PIGX: variants seen among roughly 807,000 people sequenced by gnomAD.
PIGX encodes phosphatidylinositol glycan anchor biosynthesis class X.
Under a neutral mutation model 28.7 loss-of-function variants are expected in PIGX, and 24 were observed. The observed-to-expected ratio is 0.84, with a 90% CI of 0.60 to 1.17. The LOEUF (loss-of-function observed/expected upper bound fraction) is 1.17, where lower values mean the gene tolerates loss of function less well. Ranked by LOEUF, PIGX falls within the 50% of genes most tolerant of loss-of-function variation. The pLI is 0.00. For missense variants in PIGX, 305 were observed against 317.8 expected (o/e 0.96, Z 0.31); for synonymous variants, 127 against 121.0 (o/e 1.05, Z -0.33).
intron 2 of PIGX, among the ~76,000 whole-genome samples, chr3:196,719,370 T>C (rs1428348444): frequency 6.6e-6 from 1 of 152,196 alleles, no homozygotes. Context: ...AGGGTACATG[T>C]GCACAATGTG....
chr3:196,718,617 TGCTAATAACTTGCTTA>T (rs528763635), intron 2 of PIGX, among the ~76,000 whole-genome samples: 349 of 152,358 alleles, frequency 2.3e-3, no homozygotes, highest in African/African-American at 8.2e-3. Flanking sequence ...GGATATGTTT[TGCTAATAACTTGCTTA>T]GTATTTTTAC....
At chr3:196,715,341 T>G (rs1331464903) in intron 1 of PIGX, among the ~76,000 whole-genome samples, 1 of 152,212 alleles carries the variant, frequency 6.6e-6, no homozygotes, top group Non-Finnish European at 1.5e-5. Context: ...CAGGCAAACC[T>G]TTCTTCTAAT....
intron 4 of PIGX, among the ~76,000 whole-genome samples, chr3:196,729,115 T>G (rs553782970): frequency 1.3e-5 from 2 of 151,828 alleles, no homozygotes; most frequent in Non-Finnish European, 2.9e-5. Context: ...GGGTGGATCA[T>G]GAGTTCAGGA....
At position 196,722,454 on chromosome 3, in the gene PIGX, G is replaced by A; in HGVS notation, c.216G>A (p.Glu72=). The A allele has an allele frequency of 6.2e-7, 1 of 1,611,982 alleles. No homozygotes were observed. The highest frequency in any genetic ancestry group is 8.5e-7 in the Non-Finnish European group (1 of 1,178,146). Reference sequence around the variant, plus strand: ...AAGTGAAGTTTGGGGAAAGCATTGAGGACTTGCACACCTGCCGTCTCTTAA... The same window carrying A: ...AAGTGAAGTTTGGGGAAAGCATTGAAGACTTGCACACCTGCCGTCTCTTAA... Residue 72 remains glutamate, a synonymous_variant, in exon 3 of 6, where the codon GAG becomes GAA. Transcript: ENST00000392391.
chr3:196,722,416 G>T lies in PIGX; in HGVS notation c.178G>T (p.Asp60Tyr), dbSNP rs1413850666. ...ACTTTCAATGTACTTGTCTTACAGA[G>T]ACCTTTTAATCAAAGTGAAGTTTGG... Residue 60 changes from aspartate (D) to tyrosine (Y), a missense_variant and splice_region_variant, in exon 3 of 6, where the codon GAC (aspartate) becomes TAC (tyrosine). By Grantham distance (160) the Asp-to-Tyr change is radical. Coordinates refer to ENST00000392391, the MANE Select transcript of PIGX (RefSeq NM_017861.4). 1.9e-6 allele frequency: 3 copies of T among 1,608,336 alleles called. No homozygotes were observed. Among genetic ancestry groups the T allele is most frequent in the Non-Finnish European group, 1.7e-6 (2 of 1,175,704 alleles).
intron 5 of PIGX, among the ~76,000 whole-genome samples, chr3:196,731,951 G>A (rs1284112434): frequency 2.0e-5 from 3 of 150,906 alleles, no homozygotes; most frequent in East Asian, 4.0e-4. Flanking sequence ...TCAGCCTCCC[G>A]AGTAGCTGGG....
intron 4 of PIGX, 69 bp downstream of exon 4, chr3:196,728,205 T>C: frequency 7.7e-7 from 1 of 1,296,926 alleles, no homozygotes; most frequent in Non-Finnish European, 1.1e-6. Context: ...GTCCTCCTTC[T>C]GCTAGGCTGG....
intron 3 of PIGX, among the ~76,000 whole-genome samples, chr3:196,723,616 C>CT (rs537275236): frequency 0.42 from 56,482 of 135,054 alleles, 11,508 homozygotes; most frequent in East Asian, 0.56. Context: ...CAGATGATTT[C>CT]TTTTTTTTTT....
At chr3:196,712,868 C>T (rs1252343950) in intron 1 of PIGX, 1 of 1,083,512 alleles carries the variant, frequency 9.2e-7, no homozygotes, top group Non-Finnish European at 1.1e-6. Context: ...CCTGCGGTTC[C>T]CAGGCTGGAC....
chr3:196,721,622 A>G (rs903490927), intron 2 of PIGX, among the ~76,000 whole-genome samples: 7 of 151,678 alleles, frequency 4.6e-5, no homozygotes, highest in Non-Finnish European at 1.0e-4. Context: ...TTTTTTAGAG[A>G]CAGGGGTCTC....
intron 2 of PIGX, among the ~76,000 whole-genome samples, chr3:196,717,253 A>T (rs1045838032): frequency 1.3e-5 from 2 of 149,930 alleles, no homozygotes; most frequent in Non-Finnish European, 2.9e-5. Flanking sequence ...GTGAGCCGAG[A>T]TCATGCCACT....
rs749521246 is a variant in PIGX at position 196,733,739 on chromosome 3, TTCTC to T, written c.634-9_634-6del. ...ATGACATGCATTTTCAATGTCTAAC[TTCTC>T]TCTCTCTCTCCATAGGTATATAAGA... On this transcript the variant is annotated splice_polypyrimidine_tract_variant and intron_variant, in intron 5 of 5. Transcript: ENST00000392391. The surrounding 1 kb of genome is among the most constrained non-coding windows in gnomAD (Gnocchi z 4.3). 5.7e-6 allele frequency: 9 copies of T among 1,566,114 alleles called. No homozygotes were observed. Among genetic ancestry groups the T allele is most frequent in the South Asian group, 4.5e-5 (4 of 89,540 alleles).
chr3:196,716,375 A>C (rs751946619), intron 1 of PIGX, among the ~76,000 whole-genome samples: 1 of 152,162 alleles, frequency 6.6e-6, no homozygotes, highest in Non-Finnish European at 1.5e-5. Context: ...GTATGTATCT[A>C]TCTGATACAC....
In PIGX at chr3:196,733,131, G is replaced by C. The variant is rs1029700050; in HGVS notation, c.634-628G>C. Among the ~76,000 whole-genome samples, 4 of 152,166 alleles carry C rather than the reference G, an allele frequency of 2.6e-5. No homozygotes were observed. Among genetic ancestry groups the C allele is most frequent in the African/African-American group, 9.7e-5 (4 of 41,438 alleles). On this transcript the variant is annotated intron_variant, in intron 5 of 5. Transcript: ENST00000392391. The surrounding 1 kb of genome is among the most constrained non-coding windows in gnomAD (Gnocchi z 4.3). ...GTAAATGTTTATATTGATTACAGAGGTGACACTGGGATATAGCTTTTCTTA... is the reference window on the plus strand; with the variant it reads ...GTAAATGTTTATATTGATTACAGAGCTGACACTGGGATATAGCTTTTCTTA...
intron 2 of PIGX, chr3:196,721,243 T>C (rs1289216099): frequency 8.7e-6 from 3 of 345,948 alleles, no homozygotes; most frequent in East Asian, 1.1e-4. Flanking sequence ...GGTTCCTTTT[T>C]TCTCCCTGGT....
intron 2 of PIGX, among the ~76,000 whole-genome samples, chr3:196,720,338 G>A (rs1712275106): frequency 6.6e-6 from 1 of 152,210 alleles, no homozygotes; most frequent in African/African-American, 2.4e-5. Context: ...ATAGCATGAT[G>A]TTCTCACAGT....
chr3:196,716,746 G>A (rs1712111640), intron 1 of PIGX, 112 bp from the exon 2 acceptor site: 1 of 446,908 alleles, frequency 2.2e-6, no homozygotes. Flanking sequence ...TTTTTAGGTT[G>A]GTTAGATTTT....
At chr3:196,713,062 T>C in intron 1 of PIGX, 1 of 986,090 alleles carries the variant, frequency 1.0e-6, no homozygotes, top group Non-Finnish European at 1.2e-6. Context: ...TTCGTGCAAG[T>C]AGTAGTTGGC....
Position 196,733,428 on chromosome 3 carries a change from T to C in PIGX, c.634-331T>C, listed in dbSNP as rs960526664. Among the ~76,000 whole-genome samples, 2 of 152,146 alleles carry C rather than the reference T, an allele frequency of 1.3e-5. No individual in the cohort carries two copies. Among genetic ancestry groups the C allele is most frequent in the African/African-American group, 4.8e-5 (2 of 41,432 alleles). ...ATTTTTATTTATTTATTTATTTATTTGAGACAGAGTCTTCCTCTGTCTCCC... is the reference window on the plus strand; with the variant it reads ...ATTTTTATTTATTTATTTATTTATTCGAGACAGAGTCTTCCTCTGTCTCCC... On this transcript the variant is annotated intron_variant, in intron 5 of 5. Coordinates refer to ENST00000392391, the MANE Select transcript of PIGX (RefSeq NM_017861.4). The surrounding 1 kb of genome is among the most constrained non-coding windows in gnomAD (Gnocchi z 4.3).
Sources: allele counts gnomAD v4.1 joint callset (sites outside exome capture counted in the v4.1 genomes callset), GRCh38; gene constraint gnomAD v4.1.1; non-coding constraint Gnocchi (gnomAD v3.1); transcripts MANE v1.5; gene names NCBI Gene and HGNC (gene_info 2026-07-23, HGNC 2026-07-21).